HMG20A: variants seen among roughly 807,000 people sequenced by gnomAD.
The protein encoded by HMG20A is high mobility group protein 20A.
In HMG20A, 17 loss-of-function variants were observed where a neutral mutation model predicts 43.9. The observed-to-expected ratio is 0.39, with a 90% CI of 0.27 to 0.58. The LOEUF (loss-of-function observed/expected upper bound fraction) is 0.58, where lower values mean the gene tolerates loss of function less well. Ranked by LOEUF, HMG20A falls within the 20% of genes least tolerant of loss-of-function variation. The probability of loss-of-function intolerance (pLI) is 0.59; values close to 1 mark genes in which losing one functional copy is unlikely to be tolerated. For missense variants in HMG20A, 341 were observed against 438.2 expected (o/e 0.78, Z 1.98); for synonymous variants, 132 against 147.5 (o/e 0.89, Z 0.76).
intron 4 of HMG20A, among the ~76,000 whole-genome samples, chr15:77,468,691 A>G (rs2072780068): frequency 6.6e-6 from 1 of 152,010 alleles, no homozygotes. Flanking sequence ...AATTATATAC[A>G]TTGTAGCCCT....
At chr15:77,494,997 T>TA in the HMG20A span, among the ~76,000 whole-genome samples, 2 of 152,202 alleles carry the variant, frequency 1.3e-5, no homozygotes, top group African/African-American at 4.8e-5. Flanking sequence ...AGACAAGTGC[T>TA]ACGGTTGAAA....
intron 2 of HMG20A, among the ~76,000 whole-genome samples, chr15:77,461,346 C>G (rs35268067): frequency 0.24 from 36,807 of 152,074 alleles, 5,170 homozygotes; most frequent in Middle Eastern, 0.37. Flanking sequence ...GGGACCTTAA[C>G]TGGAAGTGGG....
the HMG20A span, among the ~76,000 whole-genome samples, chr15:77,515,125 G>C: frequency 6.6e-6 from 1 of 152,162 alleles, no homozygotes; most frequent in Non-Finnish European, 1.5e-5. Flanking sequence ...GGAAGCAGTA[G>C]GAAATAAATC....
intron 1 of HMG20A, among the ~76,000 whole-genome samples, chr15:77,440,850 C>G (rs1259149915): frequency 6.6e-6 from 1 of 152,132 alleles, no homozygotes; most frequent in Non-Finnish European, 1.5e-5. Context: ...TAGTGACTAT[C>G]ACAGTAAACA....
chr15:77,423,676 A>G (rs991324920), intron 1 of HMG20A, among the ~76,000 whole-genome samples: 2 of 152,172 alleles, frequency 1.3e-5, no homozygotes, highest in Non-Finnish European at 2.9e-5. Context: ...CTGAAATTAG[A>G]TTATCCACAG....
chr15:77,432,392 A>C (rs1289619948), intron 1 of HMG20A, among the ~76,000 whole-genome samples: 2 of 152,184 alleles, frequency 1.3e-5, no homozygotes, highest in African/African-American at 4.8e-5. Context: ...AGTAGAAGAA[A>C]GGAAATAATA....
downstream of HMG20A, among the ~76,000 whole-genome samples, chr15:77,487,407 T>C (rs568867798): frequency 4.6e-5 from 7 of 152,308 alleles, no homozygotes; most frequent in South Asian, 1.5e-3. Context: ...TGGAGTGCAT[T>C]ATCTTGCCTT....
intron 9 of HMG20A, 111 bp downstream of exon 9, chr15:77,479,432 G>A (rs1165700439): frequency 9.9e-7 from 1 of 1,005,044 alleles, no homozygotes; most frequent in Non-Finnish European, 1.5e-6. Flanking sequence ...TGAACAAGTT[G>A]GAGACTTGGT....
chr15:77,462,114 G>T (rs1567401768), intron 2 of HMG20A, among the ~76,000 whole-genome samples: 1 of 151,940 alleles, frequency 6.6e-6, no homozygotes, highest in Admixed American at 6.6e-5. Flanking sequence ...TCCATTTCTC[G>T]GTCCACTGTA....
chr15:77,446,824 A>G (rs1362036113), intron 1 of HMG20A, among the ~76,000 whole-genome samples: 1 of 151,264 alleles, frequency 6.6e-6, no homozygotes, highest in Middle Eastern at 3.2e-3. Flanking sequence ...AAAAAAAAAG[A>G]GTATACATAT....
chr15:77,500,639 G>C, the HMG20A span, among the ~76,000 whole-genome samples: 1 of 151,142 alleles, frequency 6.6e-6, no homozygotes, highest in Non-Finnish European at 1.5e-5. Flanking sequence ...CACGATCTTG[G>C]CTCACTGCAA....
intron 1 of HMG20A, among the ~76,000 whole-genome samples, chr15:77,454,527 A>T (rs1334252127): frequency 6.6e-6 from 1 of 152,184 alleles, no homozygotes; most frequent in Non-Finnish European, 1.5e-5. Flanking sequence ...CAGTTGGGAA[A>T]TATCCTAAGA....
At chr15:77,451,137 T>G (rs1301322437) in intron 1 of HMG20A, among the ~76,000 whole-genome samples, 1 of 152,212 alleles carries the variant, frequency 6.6e-6, no homozygotes, top group Non-Finnish European at 1.5e-5. Flanking sequence ...ATTATCTGAA[T>G]GTATCACAGT....
intron 1 of HMG20A, among the ~76,000 whole-genome samples, chr15:77,456,352 G>A (rs2072654036): frequency 1.3e-5 from 2 of 152,066 alleles, no homozygotes; most frequent in Non-Finnish European, 2.9e-5. Flanking sequence ...CAAGGTTCTT[G>A]AAAGGCCATT....
At chr15:77,434,686 C>T (rs143799549) in intron 1 of HMG20A, among the ~76,000 whole-genome samples, 186 of 152,264 alleles carry the variant, frequency 1.2e-3, no homozygotes, top group Middle Eastern at 3.4e-3. Flanking sequence ...CTCTCAGTAT[C>T]TTGAGGCCTC....
chr15:77,497,707 G>T, the HMG20A span, among the ~76,000 whole-genome samples: 5 of 150,752 alleles, frequency 3.3e-5, no homozygotes, highest in African/African-American at 1.2e-4. Flanking sequence ...GTGTGTGTGT[G>T]TGTTGGTGAA....
intron 1 of HMG20A, among the ~76,000 whole-genome samples, chr15:77,449,120 T>G (rs1400066646): frequency 6.6e-6 from 1 of 152,058 alleles, no homozygotes; most frequent in Non-Finnish European, 1.5e-5. Context: ...ATTTTAGGTC[T>G]AGAGAGCCAT....
In HMG20A at chr15:77,443,480, C is replaced by T. The variant is rs535898231; in HGVS notation, c.-4-14924C>T. Among the ~76,000 whole-genome samples, 16 of 147,448 alleles carry T rather than the reference C, an allele frequency of 1.1e-4. 1 individual carries two copies. Among genetic ancestry groups the T allele is most frequent in the Middle Eastern group, 3.7e-3 (1 of 270 alleles). On this transcript the variant is annotated intron_variant, in intron 1 of 9. Coordinates refer to ENST00000336216, the MANE Select transcript of HMG20A (RefSeq NM_001304504.2). ...GATCTCACCTCACTGCAACATCCAC[C>T]TCCTGGGTTCAAGCTATTCTCCTGC...
chr15:77,443,626 A>G (rs1341802669), intron 1 of HMG20A, among the ~76,000 whole-genome samples: 1 of 151,688 alleles, frequency 6.6e-6, no homozygotes, highest in Non-Finnish European at 1.5e-5. Flanking sequence ...TCCTGACCTC[A>G]AGTGATCCAC....
Sources: allele counts gnomAD v4.1 joint callset (sites outside exome capture counted in the v4.1 genomes callset), GRCh38; gene constraint gnomAD v4.1.1; transcripts MANE v1.5; gene names NCBI Gene and HGNC (gene_info 2026-07-23, HGNC 2026-07-21).